DNAJC1: variants seen among roughly 807,000 people sequenced by gnomAD.
The protein encoded by DNAJC1 is dnaJ homolog subfamily C member 1.
DNAJC1 carries 58 observed loss-of-function variants against 76.6 expected under a neutral mutation model. That is an observed-to-expected ratio of 0.76 (90% CI 0.61 to 0.94). DNAJC1 has a LOEUF of 0.94. DNAJC1 is among the 40% of genes least tolerant of loss of function. The probability of loss-of-function intolerance (pLI) is 0.00; values close to 1 mark genes in which losing one functional copy is unlikely to be tolerated. For synonymous variants in DNAJC1, 258 were observed against 267.9 expected (o/e 0.96, Z 0.36); for missense variants, 689 against 677.3 (o/e 1.02, Z -0.19).
intron 8 of DNAJC1, among the ~76,000 whole-genome samples, chr10:21,839,932 CA>C: frequency 6.6e-6 from 1 of 152,304 alleles, no homozygotes; most frequent in East Asian, 1.9e-4. Flanking sequence ...CCCTGGGATG[CA>C]AGGCTGGTTC....
intron 9 of DNAJC1, among the ~76,000 whole-genome samples, chr10:21,776,437 G>A (rs1666125838): frequency 6.6e-6 from 1 of 152,100 alleles, no homozygotes; most frequent in East Asian, 1.9e-4. Flanking sequence ...TTATGTAACT[G>A]TGAAGTTCAT....
intron 6 of DNAJC1, among the ~76,000 whole-genome samples, chr10:21,916,326 A>G (rs1034439157): frequency 7.2e-5 from 11 of 152,074 alleles, no homozygotes; most frequent in Non-Finnish European, 1.2e-4. Context: ...CGTCTCTACT[A>G]AAAATACAAA....
chr10:21,803,904 C>T (rs1834849731), intron 9 of DNAJC1: 2 of 976,648 alleles, frequency 2.0e-6, no homozygotes, highest in Non-Finnish European at 2.4e-6. Context: ...AAAATCACTT[C>T]ACAATGTCAG....
intron 8 of DNAJC1, among the ~76,000 whole-genome samples, chr10:21,846,566 A>G (rs1835661673): frequency 6.6e-6 from 1 of 152,198 alleles, no homozygotes; most frequent in Non-Finnish European, 1.5e-5. Flanking sequence ...TACCAAGTAG[A>G]GCCTCTACCA....
intron 9 of DNAJC1, 42 bp from the exon 10 acceptor site, chr10:21,766,351 C>A (rs1297722425): frequency 1.3e-6 from 2 of 1,485,706 alleles, no homozygotes; most frequent in Non-Finnish European, 1.9e-6. Context: ...TTTCCATGTA[C>A]CTACTATATG....
intron 1 of DNAJC1, among the ~76,000 whole-genome samples, chr10:21,952,139 T>C (rs1056128976): frequency 1.3e-5 from 2 of 152,226 alleles, no homozygotes; most frequent in African/African-American, 4.8e-5. Flanking sequence ...AACTACTCTG[T>C]TTTAGTAAGG....
At chr10:21,884,850 C>T (rs1438766006) in intron 7 of DNAJC1, among the ~76,000 whole-genome samples, 1 of 152,078 alleles carries the variant, frequency 6.6e-6, no homozygotes, top group Non-Finnish European at 1.5e-5. Context: ...CAAGTGATGT[C>T]TTTTTAAATA....
intron 1 of DNAJC1, among the ~76,000 whole-genome samples, chr10:21,947,841 G>C (rs1470937467): frequency 2.0e-5 from 3 of 152,048 alleles, no homozygotes; most frequent in African/African-American, 7.2e-5. Context: ...CTCAGGAAGT[G>C]TTTCATAGTT....
intron 1 of DNAJC1, among the ~76,000 whole-genome samples, chr10:21,964,681 G>C (rs1837859463): frequency 6.9e-6 from 1 of 145,264 alleles, no homozygotes; most frequent in Admixed American, 6.9e-5. Context: ...TTTAGTCTTT[G>C]GTATTTGCTT....
At chr10:21,971,505 T>C (rs1837977597) in intron 1 of DNAJC1, among the ~76,000 whole-genome samples, 2 of 151,864 alleles carry the variant, frequency 1.3e-5, no homozygotes, top group Admixed American at 1.3e-4. Context: ...GAAGAATCTT[T>C]TAGTAAGAAA....
chr10:21,916,402 T>G (rs949315018), intron 6 of DNAJC1, among the ~76,000 whole-genome samples: 1 of 152,034 alleles, frequency 6.6e-6, no homozygotes, highest in East Asian at 1.9e-4. Context: ...GGCAGGAGAA[T>G]GGCGTGAACC....
chr10:21,758,320 C>G (rs1307704687), intron 11 of DNAJC1, among the ~76,000 whole-genome samples: 1 of 152,210 alleles, frequency 6.6e-6, no homozygotes, highest in Non-Finnish European at 1.5e-5. Flanking sequence ...GGTTCCTCGA[C>G]TAACAATCTA....
At chr10:21,856,720 T>C (rs1206685742) in intron 8 of DNAJC1, among the ~76,000 whole-genome samples, 1 of 152,084 alleles carries the variant, frequency 6.6e-6, no homozygotes, top group African/African-American at 2.4e-5. Flanking sequence ...AAAAAATCAC[T>C]AATGACACAT....
chr10:21,998,611 G>T, intron 1 of DNAJC1, among the ~76,000 whole-genome samples: 1 of 151,938 alleles, frequency 6.6e-6, no homozygotes, highest in African/African-American at 2.4e-5. Flanking sequence ...AAATTGGAGT[G>T]CCCTATTATT....
At chr10:21,876,772 C>G (rs7076216) in intron 8 of DNAJC1, among the ~76,000 whole-genome samples, 14,147 of 152,200 alleles carry the variant, frequency 0.093, 2,177 homozygotes, top group African/African-American at 0.32. Flanking sequence ...TATGATTAAA[C>G]TGACCTTTGT....
Position 21,759,368 on chromosome 10 carries a change from C to T in DNAJC1, c.1398G>A (p.Lys466=). The T allele has an allele frequency of 6.2e-7, 1 of 1,614,236 alleles. No individual in the cohort carries two copies. The highest frequency in any genetic ancestry group is 8.5e-7 in the Non-Finnish European group (1 of 1,180,044). The part of the protein sequence containing the change: ...KPEPEEKSRA[K]RQKDFDIAEQ... The stretch of plus-strand genomic sequence containing the variant: ...CTGCTATGTCAAAGTCCTTCTGCCG[C>T]TTGGCTCTGGACTTCTCCTCTGGCT... The change falls in exon 11 of 12, where the codon AAG becomes AAA. Residue 466 remains lysine, a synonymous_variant. Transcript: ENST00000376980.
At chr10:21,937,660 C>T (rs939040639) in intron 1 of DNAJC1, among the ~76,000 whole-genome samples, 22 of 152,080 alleles carry the variant, frequency 1.4e-4, no homozygotes, top group African/African-American at 4.6e-4. Context: ...AAAGAGAATA[C>T]GCATTTTTCT....
intron 1 of DNAJC1, among the ~76,000 whole-genome samples, chr10:21,977,373 T>C (rs1050224805): frequency 2.0e-5 from 3 of 152,170 alleles, no homozygotes; most frequent in Admixed American, 2.0e-4. Context: ...AAACAACTAT[T>C]AGCAGGTTTT....
chr10:21,837,725 G>A (rs1347947819), intron 8 of DNAJC1, among the ~76,000 whole-genome samples: 31 of 149,756 alleles, frequency 2.1e-4, no homozygotes, highest in Admixed American at 1.4e-3. Context: ...CAGCCGCCCC[G>A]TCCGGGAAGT....
Sources: allele counts gnomAD v4.1 joint callset (sites outside exome capture counted in the v4.1 genomes callset), GRCh38; gene constraint gnomAD v4.1.1; transcripts MANE v1.5; gene names NCBI Gene and HGNC (gene_info 2026-07-23, HGNC 2026-07-21).